BRINP3: variants seen among roughly 807,000 people sequenced by gnomAD.
BRINP3 encodes BMP/retinoic acid-inducible neural-specific protein 3.
In BRINP3, 19 loss-of-function variants were observed where a neutral mutation model predicts 71.0. That is an observed-to-expected ratio of 0.27 (90% CI 0.19 to 0.39). BRINP3 has a LOEUF of 0.39. BRINP3 is among the 10% of genes least tolerant of loss of function. BRINP3 has a pLI of 1.00. For missense variants in BRINP3, 959 were observed against 940.8 expected (o/e 1.02, Z -0.25); for synonymous variants, 380 against 337.7 (o/e 1.13, Z -1.37).
intron 2 of BRINP3, among the ~76,000 whole-genome samples, chr1:190,312,672 A>G (rs1239607036): frequency 6.6e-6 from 1 of 151,866 alleles, no homozygotes; most frequent in Non-Finnish European, 1.5e-5. Flanking sequence ...TTTTGAAAAG[A>G]AGATCAAGAT....
At chr1:190,191,535 T>G (rs972453973) in intron 6 of BRINP3, among the ~76,000 whole-genome samples, 32 of 152,146 alleles carry the variant, frequency 2.1e-4, no homozygotes, top group Admixed American at 1.8e-3. Context: ...GTTAGTTTGC[T>G]GAGGATGATG....
At chr1:190,201,616 G>A (rs1655010070) in intron 6 of BRINP3, among the ~76,000 whole-genome samples, 1 of 152,202 alleles carries the variant, frequency 6.6e-6, no homozygotes, top group South Asian at 2.1e-4. Flanking sequence ...GGAGAAAACT[G>A]TGGTTCCATG....
chr1:190,237,185 A>G (rs1266756699), intron 4 of BRINP3, among the ~76,000 whole-genome samples: 1 of 151,868 alleles, frequency 6.6e-6, no homozygotes, highest in Non-Finnish European at 1.5e-5. Flanking sequence ...TAAATTTAGC[A>G]TATCATATTT....
At chr1:190,438,744 C>T in intron 2 of BRINP3, among the ~76,000 whole-genome samples, 1 of 151,790 alleles carries the variant, frequency 6.6e-6, no homozygotes, top group Admixed American at 6.6e-5. Context: ...AGAGAGTTAC[C>T]CTTGACAATA....
At chr1:190,254,840 T>C (rs1179739627) in intron 4 of BRINP3, among the ~76,000 whole-genome samples, 2 of 152,222 alleles carry the variant, frequency 1.3e-5, no homozygotes, top group Non-Finnish European at 2.9e-5. Flanking sequence ...AGGGCATCTC[T>C]GTCTTGTGCC....
chr1:190,374,466 G>A (rs1304326068), intron 2 of BRINP3, among the ~76,000 whole-genome samples: 1 of 152,034 alleles, frequency 6.6e-6, no homozygotes. Flanking sequence ...CGTCAAAAGA[G>A]AAATTAGAAG....
At chr1:190,294,276 T>A (rs1571658311) in intron 2 of BRINP3, among the ~76,000 whole-genome samples, 1 of 131,564 alleles carries the variant, frequency 7.6e-6, no homozygotes, top group Non-Finnish European at 1.7e-5. Flanking sequence ...TTTTTTTTTT[T>A]GAGTCAGGGT....
chr1:190,444,268 A>AAAAAAAAAC (rs1675049286), intron 2 of BRINP3, among the ~76,000 whole-genome samples: 1 of 139,718 alleles, frequency 7.2e-6, no homozygotes, highest in Non-Finnish European at 1.6e-5. Context: ...AAAAAAAAAA[A>AAAAAAAAAC]AAATCCCTTT....
At chr1:190,298,837 T>C (rs1571673085) in intron 2 of BRINP3, among the ~76,000 whole-genome samples, 1 of 152,158 alleles carries the variant, frequency 6.6e-6, no homozygotes, top group East Asian at 1.9e-4. Flanking sequence ...GTTGACATTG[T>C]TGTGTTCCTC....
intron 2 of BRINP3, among the ~76,000 whole-genome samples, chr1:190,375,152 A>G (rs1571893594): frequency 1.3e-5 from 2 of 152,156 alleles, no homozygotes; most frequent in South Asian, 2.1e-4. Context: ...ACAACAAGGT[A>G]GTAATTTAGG....
intron 2 of BRINP3, among the ~76,000 whole-genome samples, chr1:190,344,087 T>C (rs1166492055): frequency 6.6e-6 from 1 of 151,838 alleles, no homozygotes; most frequent in Non-Finnish European, 1.5e-5. Flanking sequence ...GAACTATGTT[T>C]ATTCACCAAG....
At chr1:190,146,746 T>A (rs1571836229) in intron 7 of BRINP3, among the ~76,000 whole-genome samples, 1 of 152,212 alleles carries the variant, frequency 6.6e-6, no homozygotes, top group East Asian at 1.9e-4. Flanking sequence ...TATTTGGCAA[T>A]CCTAGTCTAC....
At chr1:190,116,898 A>T (rs944296323) in intron 7 of BRINP3, among the ~76,000 whole-genome samples, 1 of 151,980 alleles carries the variant, frequency 6.6e-6, no homozygotes, top group African/African-American at 2.4e-5. Context: ...ATCACTGTCA[A>T]ATACAGGGCT....
intron 7 of BRINP3, among the ~76,000 whole-genome samples, chr1:190,141,555 CTTTTTTTT>C (rs35090212): frequency 1.7e-4 from 14 of 82,400 alleles, no homozygotes; most frequent in African/African-American, 6.2e-4. Context: ...TCTTTCTTTC[CTTTTTTTT>C]TTTTTTTTTT....
chr1:190,300,681 C>T lies in BRINP3; in HGVS notation c.237-18931G>A, dbSNP rs191591075. Among the ~76,000 whole-genome samples, 535 of 151,814 alleles carry T rather than the reference C, an allele frequency of 3.5e-3. 4 individuals carry two copies. The highest frequency in any genetic ancestry group is 0.011 in the African/African-American group (439 of 41,430). Reference sequence around the variant, plus strand: ...AGCAGGGGCAGACTGACACCTCACACGGCCAGGTAGTCCAACAGACCTGCA... The same window carrying T: ...AGCAGGGGCAGACTGACACCTCACATGGCCAGGTAGTCCAACAGACCTGCA... On this transcript the variant is annotated intron_variant, in intron 2 of 7. Transcript: ENST00000367462.
At chr1:190,120,164 G>A (rs1325636563) in intron 7 of BRINP3, among the ~76,000 whole-genome samples, 1 of 152,136 alleles carries the variant, frequency 6.6e-6, no homozygotes, top group Non-Finnish European at 1.5e-5. Context: ...AGCAGCTAGT[G>A]ATTCTGAATT....
chr1:190,237,374 T>C (rs1000890567), intron 4 of BRINP3, among the ~76,000 whole-genome samples: 4 of 151,606 alleles, frequency 2.6e-5, no homozygotes, highest in Non-Finnish European at 5.9e-5. Context: ...CTCATACTTA[T>C]TTAATTCTTT....
At chr1:190,320,697 T>C (rs889926439) in intron 2 of BRINP3, among the ~76,000 whole-genome samples, 1 of 151,396 alleles carries the variant, frequency 6.6e-6, no homozygotes. Context: ...ACACACTCAC[T>C]CACTCATACT....
At chr1:190,359,355 A>T (rs1386500810) in intron 2 of BRINP3, among the ~76,000 whole-genome samples, 3 of 152,104 alleles carry the variant, frequency 2.0e-5, no homozygotes, top group African/African-American at 4.8e-5. Context: ...AGAAAGACCA[A>T]TGGTGTGATT....
Sources: allele counts gnomAD v4.1 joint callset (sites outside exome capture counted in the v4.1 genomes callset), GRCh38; gene constraint gnomAD v4.1.1; transcripts MANE v1.5; gene names NCBI Gene and HGNC (gene_info 2026-07-23, HGNC 2026-07-21).